The following EXD2 variants were observed in gnomAD, a reference collection of about 807,000 sequenced individuals.
EXD2 encodes exonuclease 3'-5' domain-containing protein 2.
Under a neutral mutation model 62.5 loss-of-function variants are expected in EXD2, and 40 were observed. The observed-to-expected ratio is 0.64, with a 90% CI of 0.50 to 0.83. The LOEUF (loss-of-function observed/expected upper bound fraction) is 0.83. Among genes scored for constraint, EXD2 ranks in the 40% least tolerant of loss-of-function variants. EXD2 has a pLI of 0.00. For synonymous variants in EXD2, 239 were observed against 291.9 expected (o/e 0.82, Z 1.85); for missense variants, 671 against 761.8 (o/e 0.88, Z 1.40).
At chr14:69,205,308 C>T (rs1172885742) in intron 2 of EXD2, among the ~76,000 whole-genome samples, 1 of 152,154 alleles carries the variant, frequency 6.6e-6, no homozygotes, top group Non-Finnish European at 1.5e-5. Context: ...ACCTCGGCCT[C>T]CCAAAGCGTT....
chr14:69,212,329 A>T lies in EXD2; in HGVS notation c.333+2526A>T, dbSNP rs546757605. 7.5e-4 allele frequency among the ~76,000 whole-genome samples: 114 copies of T among 152,220 alleles called. No individual in the cohort carries two copies. The South Asian group carries it at 0.013, about 18-fold the overall frequency. On this transcript the variant is annotated intron_variant, in intron 3 of 9. Transcript: ENST00000685843. Reference sequence around the variant, plus strand: ...GAGGTGGAGGTTGCAGTGAGCCGAGATCACGCCACTGCATTCCAACCTGAG... The same window carrying T: ...GAGGTGGAGGTTGCAGTGAGCCGAGTTCACGCCACTGCATTCCAACCTGAG...
chr14:69,200,040 G>A (rs561305276), intron 1 of EXD2, among the ~76,000 whole-genome samples: 2 of 152,262 alleles, frequency 1.3e-5, no homozygotes, highest in Non-Finnish European at 1.5e-5. Context: ...GTGCAGCAAC[G>A]TTAGGACGGT....
chr14:69,215,294 ATATATGTGTGTG>A (rs112477778), intron 3 of EXD2, among the ~76,000 whole-genome samples: 45,250 of 137,164 alleles, frequency 0.33, 8,759 homozygotes, highest in East Asian at 0.9. Flanking sequence ...CATCTCAAAA[ATATATGTGTGTG>A]TGTGTGTGTG....
At position 69,209,406 on chromosome 14, in the gene EXD2, T is replaced by G. The variant is rs958160538; in HGVS notation, c.-47-18T>G. 2 of 1,299,820 alleles carry G rather than the reference T, an allele frequency of 1.5e-6. No individual in the cohort carries two copies. The highest frequency in any genetic ancestry group is 3.0e-5 in the African/African-American group (2 of 66,870). 80.5% of individuals were successfully genotyped at this position (1,299,820 alleles called of 1,614,324 possible). Reference sequence around the variant, plus strand: ...TTATATTCTGTATATAAATATATTTTTGCCATTTGTTTTGCAGATTGTGGG... The same window carrying G: ...TTATATTCTGTATATAAATATATTTGTGCCATTTGTTTTGCAGATTGTGGG... On this transcript the variant is annotated intron_variant, in intron 2 of 9. Transcript: ENST00000685843.
chr14:69,243,026 T>A lies in EXD2; in HGVS notation c.*1926T>A, dbSNP rs368609292. 5 of 152,216 alleles carry A rather than the reference T, an allele frequency of 3.3e-5. No individual in the cohort carries two copies. The highest frequency in any genetic ancestry group is 1.2e-4 in the African/African-American group (5 of 41,456). The allele number at this position is 152,216 out of a possible 1,614,324, so 9.4% of individuals were successfully genotyped here. ...CATTTAAGGTGCTAGGGAAAGGGTT[T>A]TCCCATGGAGCTTTCTGTGAGGCGC... On this transcript the variant is annotated 3_prime_UTR_variant, in exon 10 of 10. Coordinates refer to ENST00000685843, the MANE Select transcript of EXD2 (RefSeq NM_001193360.2).
At chr14:69,221,785 A>C (rs1414315442) in intron 3 of EXD2, among the ~76,000 whole-genome samples, 2 of 150,828 alleles carry the variant, frequency 1.3e-5, no homozygotes, top group African/African-American at 2.4e-5. Flanking sequence ...AAAAAAAATT[A>C]TTGGCTGGCT....
chr14:69,210,634 G>C (rs1009456068), intron 3 of EXD2, among the ~76,000 whole-genome samples: 1 of 152,022 alleles, frequency 6.6e-6, no homozygotes, highest in Non-Finnish European at 1.5e-5. Flanking sequence ...TCAGCATAGC[G>C]AGACTCCATC....
In EXD2 at chr14:69,234,634, T is replaced by G. The variant is rs927063226; in HGVS notation, c.718-66T>G. The G allele has an allele frequency of 4.3e-5, 57 of 1,337,496 alleles. 1 individual carries two copies. The highest frequency in any genetic ancestry group is 5.2e-5 in the Non-Finnish European group (50 of 970,814). 82.9% of individuals were successfully genotyped at this position (1,337,496 alleles called of 1,614,324 possible). On this transcript the variant is annotated intron_variant, in intron 5 of 9. Transcript: ENST00000685843. Reference sequence around the variant, plus strand: ...TAAGAGTTATCTATTTCTTTGTGATTGACTTTGAAGTTTTTCTCTCTGGTT... The same window carrying G: ...TAAGAGTTATCTATTTCTTTGTGATGGACTTTGAAGTTTTTCTCTCTGGTT...
intron 3 of EXD2, among the ~76,000 whole-genome samples, chr14:69,210,866 CATT>C (rs2042782857): frequency 1.3e-5 from 2 of 152,264 alleles, no homozygotes; most frequent in East Asian, 3.9e-4. Flanking sequence ...TATGCAATAA[CATT>C]ATATCTTTAA....
intron 8 of EXD2, among the ~76,000 whole-genome samples, chr14:69,236,871 G>C (rs4902704): frequency 0.72 from 109,105 of 152,170 alleles, 40,330 homozygotes; most frequent in East Asian, 0.94. Flanking sequence ...TTGACTGGCT[G>C]ACCAGCTTTT....
chr14:69,206,194 T>C (rs1436591703), intron 2 of EXD2, among the ~76,000 whole-genome samples: 1 of 152,076 alleles, frequency 6.6e-6, no homozygotes, highest in African/African-American at 2.4e-5. Flanking sequence ...GTGCTGGGAT[T>C]ACAGGTGTGA....
At chr14:69,233,841 C>T (rs182120985) in intron 5 of EXD2, among the ~76,000 whole-genome samples, 1 of 151,372 alleles carries the variant, frequency 6.6e-6, no homozygotes, top group East Asian at 1.9e-4. Context: ...TCTCAGCTCA[C>T]TGCAATCTTC....
Position 69,235,849 on chromosome 14 carries a change from C to T in EXD2, c.1050-197C>T. The T allele has an allele frequency of 5.0e-6, 3 of 603,576 alleles. No homozygotes were observed. In the South Asian group the frequency reaches 5.6e-5, roughly 11 times the overall value. The allele number at this position is 603,576 out of a possible 1,614,324, so 37.4% of individuals were successfully genotyped here. A position where few individuals can be genotyped will look rare whatever the true frequency, so the allele number is the denominator to read the frequency against. ...TAAAAACTAGAGGCATAAACTCATT[C>T]ATTTTTAGTTCTGTTTCCTAGCCCA... On this transcript the variant is annotated intron_variant, in intron 6 of 9. Transcript: ENST00000685843.
At chr14:69,224,991 C>T (rs1046084031) in intron 3 of EXD2, among the ~76,000 whole-genome samples, 1 of 152,096 alleles carries the variant, frequency 6.6e-6, no homozygotes, top group African/African-American at 2.4e-5. Flanking sequence ...AAGAATAAAA[C>T]GCAGATGTCT....
chr14:69,234,014 G>A (rs1432901940), intron 5 of EXD2, among the ~76,000 whole-genome samples: 2 of 151,998 alleles, frequency 1.3e-5, no homozygotes, highest in African/African-American at 2.4e-5. Flanking sequence ...TGATCTGTTC[G>A]CCTTGGCCTC....
Position 69,206,273 on chromosome 14 carries a change from G to A in EXD2, c.-48+2273G>A, listed in dbSNP as rs2042591735. On this transcript the variant is annotated intron_variant, in intron 2 of 9. Transcript: ENST00000685843. ...TGTTCATGCCTTTGGCCTGGGGCAG[G>A]TGGCTTGCCCAGGCCAAGGTGGGTA... Among the ~76,000 whole-genome samples the A allele has an allele frequency of 2.0e-5, 3 of 152,060 alleles. No homozygotes were observed. The South Asian group carries it at 6.2e-4, about 32-fold the overall frequency.
intron 1 of EXD2, among the ~76,000 whole-genome samples, chr14:69,196,634 T>C (rs2042212989): frequency 6.6e-6 from 1 of 151,862 alleles, no homozygotes; most frequent in Non-Finnish European, 1.5e-5. Flanking sequence ...TTTTTTTTTT[T>C]TTTTTGAGAG....
At chr14:69,209,369 TTATG>T (rs1318712984) in intron 2 of EXD2, 51 bp from the exon 3 acceptor site, 3 of 952,978 alleles carry the variant, frequency 3.1e-6, no homozygotes, top group African/African-American at 3.4e-5. Context: ...GAAAACTTGT[TTATG>T]TAAAGGTTTA....
At chr14:69,223,224 G>A (rs1281414078) in intron 3 of EXD2, among the ~76,000 whole-genome samples, 1 of 152,114 alleles carries the variant, frequency 6.6e-6, no homozygotes, top group Non-Finnish European at 1.5e-5. Context: ...CATTGATATG[G>A]TGATTACTCT....
Sources: gnomAD v4.1 joint callset for allele counts (sites outside exome capture counted in the v4.1 genomes callset) on GRCh38, gnomAD v4.1.1 for gene constraint, MANE v1.5 for transcripts, NCBI Gene and HGNC (gene_info 2026-07-23, HGNC 2026-07-21) for gene names.